Variants in NOD1 observed in about 807,000 individuals in gnomAD.
The protein encoded by NOD1 is nucleotide binding oligomerization domain containing 1.
NOD1 carries 70 observed loss-of-function variants against 81.2 expected under a neutral mutation model. The ratio of observed to expected loss-of-function variants is 0.86; its 90% confidence interval spans 0.71 to 1.05. NOD1 has a LOEUF of 1.05. Among genes scored for constraint, NOD1 ranks in the 50% least tolerant of loss-of-function variants. NOD1 has a pLI of 0.00. For missense variants in NOD1, 1,233 were observed against 1,228.0 expected (o/e 1.00, Z -0.06); for synonymous variants, 508 against 526.9 (o/e 0.96, Z 0.49).
intron 1 of NOD1, among the ~76,000 whole-genome samples, chr7:30,470,180 T>A (rs183339992): frequency 4.8e-4 from 73 of 152,380 alleles, no homozygotes; most frequent in Non-Finnish European, 9.4e-4. Flanking sequence ...TCTGTTTTCT[T>A]CTCTGTAAGT....
At chr7:30,454,004 C>A (rs1272976135) in intron 5 of NOD1, among the ~76,000 whole-genome samples, 1 of 152,212 alleles carries the variant, frequency 6.6e-6, no homozygotes, top group Non-Finnish European at 1.5e-5. Flanking sequence ...AGAATGATTC[C>A]TCATGGGAAT....
intron 1 of NOD1, among the ~76,000 whole-genome samples, chr7:30,471,051 C>T (rs1426559275): frequency 6.7e-6 from 1 of 148,772 alleles, no homozygotes; most frequent in East Asian, 1.9e-4. Context: ...TGAAACCGGG[C>T]CCACAGCAAA....
chr7:30,452,484 CA>C lies in NOD1; in HGVS notation c.932del (p.Leu311ArgfsTer65), dbSNP rs1785857222. On this transcript the variant is annotated frameshift_variant, in exon 6 of 14. Coordinates refer to ENST00000222823, the MANE Select transcript of NOD1 (RefSeq NM_006092.4). LOFTEE classifies it high-confidence loss of function. ...SSCPWEPAHP[L>X]VLLANLLSGK... ...CACTGAGCAGGTTGGCCAGCAAGAC[CA>C]GGGGGTGGGCAGGCTCCCAGGGGCA... The C allele has an allele frequency of 1.9e-6, 3 of 1,613,244 alleles. No homozygotes were observed. Among genetic ancestry groups the C allele is most frequent in the African/African-American group, 1.3e-5 (1 of 75,068 alleles).
intron 5 of NOD1, among the ~76,000 whole-genome samples, chr7:30,453,824 G>A (rs149404136): frequency 3.6e-4 from 55 of 152,354 alleles, no homozygotes; most frequent in African/African-American, 1.3e-3. Flanking sequence ...TCCCTGGGCC[G>A]TAGGCAACTA....
chr7:30,458,988 C>T (rs375958497), intron 3 of NOD1, among the ~76,000 whole-genome samples, 164 bp downstream of exon 3: 13 of 152,224 alleles, frequency 8.5e-5, no homozygotes, highest in South Asian at 6.2e-4. Flanking sequence ...CTGCCCACCT[C>T]GGCCTCCCAA....
At position 30,452,905 on chromosome 7, in the gene NOD1, T is replaced by C. The variant is rs777115772; in HGVS notation, c.512A>G (p.Asn171Ser). ...GCTGTTCAGGCTGCCCAGGCTCTCATTGCTGAAGCCAACCAGCTCCATGAT... is the reference window on the plus strand; with the variant it reads ...GCTGTTCAGGCTGCCCAGGCTCTCACTGCTGAAGCCAACCAGCTCCATGAT... Reference protein sequence around the residue: ...DTIMELVGFSNESLGSLNSLA... With the variant: ...DTIMELVGFSSESLGSLNSLA... Residue 171 changes from asparagine to serine, a missense_variant, in exon 6 of 14, where the codon AAT becomes AGT. By Grantham distance (46) the Asn-to-Ser change is conservative (BLOSUM62 1). Coordinates refer to ENST00000222823, the MANE Select transcript of NOD1 (RefSeq NM_006092.4). 8.1e-6 allele frequency: 13 copies of C among 1,613,912 alleles called. No homozygotes were observed. Among genetic ancestry groups the C allele is most frequent in the South Asian group, 5.5e-5 (5 of 91,092 alleles).
intron 1 of NOD1, chr7:30,460,434 A>G (rs1786915565): frequency 3.0e-6 from 3 of 985,404 alleles, no homozygotes; most frequent in Non-Finnish European, 3.6e-6. Flanking sequence ...GGCTGGGGCC[A>G]GGTATCTGGG....
Position 30,429,419 on chromosome 7 carries a change from T to C in NOD1, c.2744A>G (p.Gln915Arg), listed in dbSNP as rs1314475882. ...QNQITAKGTAQLADALQSNTG... is the reference protein window; with the variant it reads ...QNQITAKGTARLADALQSNTG... ...GTTGCTCTGTAACGCATCTGCCAGC[T>C]GGGCAGTCCCCTTAGCTGTGATCTG... Residue 915 changes from glutamine (Q) to arginine (R), a missense_variant, in exon 13 of 14, where the codon CAG becomes CGG. By Grantham distance (43) the Gln-to-Arg change is conservative. Transcript: ENST00000222823. The C allele has an allele frequency of 6.2e-7, 1 of 1,614,206 alleles. No individual in the cohort carries two copies. The highest frequency in any genetic ancestry group is 8.5e-7 in the Non-Finnish European group (1 of 1,180,010).
intron 8 of NOD1, 66 bp downstream of exon 8, chr7:30,446,901 T>A (rs1785152826): frequency 2.3e-6 from 3 of 1,281,190 alleles, no homozygotes; most frequent in Non-Finnish European, 3.3e-6. Context: ...TGACATTTAA[T>A]CTTTGAACAA....
At chr7:30,430,671 G>A (rs535099519) in intron 12 of NOD1, among the ~76,000 whole-genome samples, 1 of 152,350 alleles carries the variant, frequency 6.6e-6, no homozygotes, top group South Asian at 2.1e-4. Context: ...CTGTGCCTCA[G>A]TTGTGTCATC....
intron 3 of NOD1, among the ~76,000 whole-genome samples, chr7:30,458,276 T>TG (rs2128074287): frequency 6.6e-6 from 1 of 152,280 alleles, no homozygotes; most frequent in South Asian, 2.1e-4. Flanking sequence ...CAGGAATACT[T>TG]GCGTGTGTAA....
At chr7:30,473,466 A>T (rs1050484661) in intron 1 of NOD1, among the ~76,000 whole-genome samples, 1 of 152,222 alleles carries the variant, frequency 6.6e-6, no homozygotes, top group African/African-American at 2.4e-5. Flanking sequence ...CACACAGGCT[A>T]ACAATCTCAG....
chr7:30,446,090 C>CG (rs1785042707), intron 9 of NOD1, 51 bp downstream of exon 9: 2 of 1,384,598 alleles, frequency 1.4e-6, no homozygotes, highest in Non-Finnish European at 2.1e-6. Context: ...AAGGCCCGCC[C>CG]CCCACACACA....
intron 1 of NOD1, chr7:30,463,655 C>T (rs942635622): frequency 1.3e-5 from 2 of 152,406 alleles, no homozygotes; most frequent in Admixed American, 1.3e-4. Context: ...TGCACTGTCC[C>T]AGGGGACCTT....
At chr7:30,429,754 G>A (rs1420025155) in intron 12 of NOD1, among the ~76,000 whole-genome samples, 14 of 152,250 alleles carry the variant, frequency 9.2e-5, no homozygotes, top group African/African-American at 9.6e-5. Flanking sequence ...ATTTGGGGCC[G>A]GGTGCAGTGG....
At chr7:30,463,272 T>C (rs1787343683) in intron 1 of NOD1, among the ~76,000 whole-genome samples, 1 of 152,186 alleles carries the variant, frequency 6.6e-6, no homozygotes, top group African/African-American at 2.4e-5. Context: ...TGAAATTGAT[T>C]TTCTTTTAAG....
Position 30,478,559 on chromosome 7 carries a change from C to T in NOD1, c.-352+47G>A, listed in dbSNP as rs1240674251. 1 of 152,590 alleles carries T rather than the reference C, an allele frequency of 6.6e-6. No individual in the cohort carries two copies. Among genetic ancestry groups the T allele is most frequent in the East Asian group, 1.9e-4 (1 of 5,196 alleles). 9.5% of individuals were successfully genotyped at this position (152,590 alleles called of 1,614,324 possible). On this transcript the variant is annotated intron_variant, in intron 1 of 13. Coordinates refer to ENST00000222823, the MANE Select transcript of NOD1 (RefSeq NM_006092.4). The surrounding 1 kb of genome is among the most constrained non-coding windows in gnomAD (Gnocchi z 4.1). ...CCTCCTCACTCGCAGCGCCCAGGAC[C>T]TCAGAAAGGGCCTGCCCCGCGCGAA... is the stretch of plus-strand genomic sequence containing the variant.
At chr7:30,468,821 C>CCA in intron 1 of NOD1, 1 of 985,138 alleles carries the variant, frequency 1.0e-6, no homozygotes, top group Non-Finnish European at 1.2e-6. Flanking sequence ...TGAATTTAAT[C>CCA]CACAGGCTCC....
At chr7:30,439,145 G>C (rs968407944) in intron 9 of NOD1, among the ~76,000 whole-genome samples, 1 of 152,166 alleles carries the variant, frequency 6.6e-6, no homozygotes, top group African/African-American at 2.4e-5. Context: ...ATAAAATGGT[G>C]CTGCTGCCGT....
Sources: allele counts gnomAD v4.1 joint callset (sites outside exome capture counted in the v4.1 genomes callset), GRCh38; gene constraint gnomAD v4.1.1; non-coding constraint Gnocchi (gnomAD v3.1); transcripts MANE v1.5; gene names NCBI Gene and HGNC (gene_info 2026-07-23, HGNC 2026-07-21).